Variants in ABCB5 observed in about 807,000 individuals in gnomAD.
ABCB5 encodes the protein ATP-binding cassette sub-family B member 5.
A neutral mutation model predicts 144.2 loss-of-function variants in ABCB5; 155 were observed. That is an observed-to-expected ratio of 1.08 (90% CI 0.94 to 1.23). The LOEUF (loss-of-function observed/expected upper bound fraction) is 1.23, where lower values mean the gene tolerates loss of function less well. Among genes scored for constraint, ABCB5 ranks in the 50% most tolerant of loss-of-function variants. The pLI is 0.00. For missense variants in ABCB5, 1,830 were observed against 1,520.8 expected (o/e 1.20, Z -3.38); for synonymous variants, 610 against 528.6 (o/e 1.15, Z -2.11).
At chr7:20,684,604 T>C (rs1203360330) in intron 15 of ABCB5, among the ~76,000 whole-genome samples, 1 of 151,538 alleles carries the variant, frequency 6.6e-6, no homozygotes. Flanking sequence ...AGTAAATAAA[T>C]AAATAAAAAC....
In ABCB5 at chr7:20,733,486, A is replaced by C. The variant is rs544328386; in HGVS notation, c.2867+5031A>C. Among the ~76,000 whole-genome samples the C allele has an allele frequency of 6.6e-5, 10 of 152,220 alleles. No individual in the cohort carries two copies. The South Asian group carries it at 2.1e-3, about 32-fold the overall frequency. On this transcript the variant is annotated intron_variant, in intron 23 of 27. Transcript: ENST00000404938. ...TCTCTTCTAGATACATAAGCATTTTAACTATCAGAACATATGAAGGACTGT... is the reference window on the plus strand; with the variant it reads ...TCTCTTCTAGATACATAAGCATTTTCACTATCAGAACATATGAAGGACTGT...
chr7:20,681,833 C>T (rs1785840331), intron 15 of ABCB5, among the ~76,000 whole-genome samples, 167 bp downstream of exon 15: 1 of 152,142 alleles, frequency 6.6e-6, no homozygotes, highest in South Asian at 2.1e-4. Flanking sequence ...CAGTGTTGTG[C>T]TCAATAATAT....
chr7:20,740,412 T>G (rs1338072079), intron 24 of ABCB5, among the ~76,000 whole-genome samples: 3 of 152,324 alleles, frequency 2.0e-5, no homozygotes. Flanking sequence ...TAGATTTATA[T>G]GTATGACAGC....
At chr7:20,703,414 G>C (rs113309460) in intron 19 of ABCB5, among the ~76,000 whole-genome samples, 1 of 152,182 alleles carries the variant, frequency 6.6e-6, no homozygotes, top group Non-Finnish European at 1.5e-5. Flanking sequence ...TGGGCATCTA[G>C]GACCCGAAGC....
intron 20 of ABCB5, among the ~76,000 whole-genome samples, chr7:20,716,681 T>A (rs1404232112): frequency 6.6e-6 from 1 of 152,138 alleles, no homozygotes; most frequent in African/African-American, 2.4e-5. Flanking sequence ...AGGAGAGGAA[T>A]GGGCCTGGAA....
intron 15 of ABCB5, among the ~76,000 whole-genome samples, chr7:20,683,529 G>A (rs1480652338): frequency 6.6e-6 from 1 of 151,818 alleles, no homozygotes; most frequent in African/African-American, 2.4e-5. Flanking sequence ...ATTTTTTATT[G>A]TAATTAAACT....
intron 26 of ABCB5, among the ~76,000 whole-genome samples, chr7:20,751,007 T>A (rs1024905456): frequency 1.5e-4 from 23 of 152,148 alleles, no homozygotes; most frequent in Non-Finnish European, 2.9e-4. Context: ...TAAGTAGGAC[T>A]TTGACCACTG....
At chr7:20,691,847 C>T (rs1786242680) in intron 16 of ABCB5, among the ~76,000 whole-genome samples, 1 of 151,916 alleles carries the variant, frequency 6.6e-6, no homozygotes, top group African/African-American at 2.4e-5. Context: ...TTCAGAAATA[C>T]CTAGTCCCCA....
At chr7:20,734,646 C>T (rs977965794) in intron 23 of ABCB5, among the ~76,000 whole-genome samples, 5 of 151,244 alleles carry the variant, frequency 3.3e-5, no homozygotes, top group Non-Finnish European at 7.4e-5. Context: ...AGGAAAAAGC[C>T]TCTAAAAGAA....
At chr7:20,737,076 T>C (rs547133494) in intron 23 of ABCB5, among the ~76,000 whole-genome samples, 1 of 151,846 alleles carries the variant, frequency 6.6e-6, no homozygotes, top group Non-Finnish European at 1.5e-5. Flanking sequence ...GAGAATTGCT[T>C]GAACCCAGGA....
chr7:20,667,187 TATA>T (rs1785227862), intron 14 of ABCB5: 2 of 891,610 alleles, frequency 2.2e-6, no homozygotes, highest in Non-Finnish European at 2.7e-6. Context: ...AAATTCATGC[TATA>T]ATAAGTTAAA....
At chr7:20,669,114 C>T (rs1785359661) in intron 14 of ABCB5, among the ~76,000 whole-genome samples, 2 of 150,820 alleles carry the variant, frequency 1.3e-5, no homozygotes, top group Non-Finnish European at 3.0e-5. Flanking sequence ...GGGGGGTCAG[C>T]CCCCCACCCG....
intron 5 of ABCB5, among the ~76,000 whole-genome samples, chr7:20,637,197 C>G (rs1283931458): frequency 6.6e-6 from 1 of 152,100 alleles, no homozygotes; most frequent in East Asian, 1.9e-4. Context: ...CTGTAATAAT[C>G]AGGAACTAAA....
At chr7:20,668,285 C>G (rs1414021449) in intron 14 of ABCB5, among the ~76,000 whole-genome samples, 2 of 149,208 alleles carry the variant, frequency 1.3e-5, no homozygotes, top group Non-Finnish European at 1.5e-5. Flanking sequence ...AGGAGCGCCT[C>G]TTCCCCGCCG....
chr7:20,675,336 T>G (rs1296469977), intron 14 of ABCB5, among the ~76,000 whole-genome samples: 1 of 151,704 alleles, frequency 6.6e-6, no homozygotes, highest in Non-Finnish European at 1.5e-5. Context: ...CAGAAATAAA[T>G]GTATGCATAT....
intron 5 of ABCB5, among the ~76,000 whole-genome samples, chr7:20,639,027 T>G (rs2128021598): frequency 6.6e-6 from 1 of 151,266 alleles, no homozygotes; most frequent in Non-Finnish European, 1.5e-5. Context: ...CACTTGTTAT[T>G]GTCTGCCTTT....
intron 14 of ABCB5, among the ~76,000 whole-genome samples, chr7:20,669,124 G>A (rs1449165636): frequency 1.3e-5 from 2 of 150,522 alleles, no homozygotes; most frequent in African/African-American, 2.5e-5. Context: ...CCCCCCACCC[G>A]GCCAGCTGCC....
Position 20,673,438 on chromosome 7 carries a change from C to A in ABCB5, c.1708-8067C>A, listed in dbSNP as rs1785512068. 8.5e-5 allele frequency among the ~76,000 whole-genome samples: 13 copies of A among 152,124 alleles called. 1 individual carries two copies. The South Asian group carries it at 2.5e-3, about 29-fold the overall frequency. ...TATTTTGGTGTCATGTATTTTAGAA[C>A]TGTGTTATTACACACATAAATATTT... On this transcript the variant is annotated intron_variant, in intron 14 of 27. Coordinates refer to ENST00000404938, the MANE Select transcript of ABCB5 (RefSeq NM_001163941.2).
At chr7:20,704,622 T>C in intron 19 of ABCB5, 102 bp from the exon 20 acceptor site, 3 of 761,796 alleles carry the variant, frequency 3.9e-6, no homozygotes, top group Non-Finnish European at 6.5e-6. Context: ...TACCTGTGAG[T>C]GAGGAGGCAG....
Sources: allele counts gnomAD v4.1 joint callset (sites outside exome capture counted in the v4.1 genomes callset), GRCh38; gene constraint gnomAD v4.1.1; transcripts MANE v1.5; gene names NCBI Gene and HGNC (gene_info 2026-07-23, HGNC 2026-07-21).